LPCAT2: variants seen among roughly 807,000 people sequenced by gnomAD.
The protein encoded by LPCAT2 is 1-AGP acyltransferase 11.
Under a neutral mutation model 64.7 loss-of-function variants are expected in LPCAT2, and 58 were observed. The ratio of observed to expected loss-of-function variants is 0.90; its 90% CI spans 0.73 to 1.12. The LOEUF is 1.12. LPCAT2 is among the 50% of genes most tolerant of loss of function. The pLI is 0.00. For missense variants in LPCAT2, 579 were observed against 669.8 expected (o/e 0.86, Z 1.50); for synonymous variants, 252 against 245.3 (o/e 1.03, Z -0.26).
chr16:55,548,911 T>C (rs1963483248), intron 9 of LPCAT2, among the ~76,000 whole-genome samples: 1 of 152,180 alleles, frequency 6.6e-6, no homozygotes, highest in Admixed American at 6.5e-5. Flanking sequence ...TATGTACAGA[T>C]GAGAAAAGTG....
intron 8 of LPCAT2, among the ~76,000 whole-genome samples, chr16:55,544,507 A>G (rs1443109395): frequency 6.6e-6 from 1 of 152,210 alleles, no homozygotes; most frequent in Non-Finnish European, 1.5e-5. Context: ...GTGCCTGAGC[A>G]CCTACTATGG....
chr16:55,519,548 A>T (rs35882847), intron 1 of LPCAT2, among the ~76,000 whole-genome samples: 8 of 149,966 alleles, frequency 5.3e-5, no homozygotes, highest in African/African-American at 1.5e-4. Flanking sequence ...GGTAAAGAAC[A>T]TTTTTTGGGT....
At chr16:55,523,134 CA>C (rs1388288091) in intron 1 of LPCAT2, among the ~76,000 whole-genome samples, 2 of 151,278 alleles carry the variant, frequency 1.3e-5, no homozygotes, top group African/African-American at 4.8e-5. Context: ...AAAAATGGGC[CA>C]AAAAGACTTG....
At chr16:55,515,254 A>C (rs2142388396) in intron 1 of LPCAT2, among the ~76,000 whole-genome samples, 1 of 152,356 alleles carries the variant, frequency 6.6e-6, no homozygotes, top group South Asian at 2.1e-4. Flanking sequence ...ATATAGTTAC[A>C]TTATGTACAA....
At position 55,585,550 on chromosome 16, in the gene LPCAT2, A is replaced by G. The variant is rs1184341954; in HGVS notation, c.*2452A>G. 1.3e-5 allele frequency: 2 copies of G among 152,246 alleles called. No homozygotes were observed. Among genetic ancestry groups the G allele is most frequent in the African/African-American group, 4.8e-5 (2 of 41,468 alleles). The allele number at this position is 152,246 out of a possible 1,614,324, so 9.4% of individuals were successfully genotyped here. ...AGTTAAATGCACCATGGCTTCATAT[A>G]GTAATATAAAAAAACTCTTTGAAGT... On this transcript the variant is annotated 3_prime_UTR_variant, in exon 14 of 14. Coordinates refer to ENST00000262134, the MANE Select transcript of LPCAT2 (RefSeq NM_017839.5).
At chr16:55,576,020 T>C (rs1476128407) in intron 12 of LPCAT2, among the ~76,000 whole-genome samples, 2 of 152,218 alleles carry the variant, frequency 1.3e-5, no homozygotes, top group Non-Finnish European at 2.9e-5. Context: ...ATCAGTTTAG[T>C]TGAGCAAATG....
intron 13 of LPCAT2, among the ~76,000 whole-genome samples, chr16:55,579,976 T>C (rs2142426199): frequency 6.6e-6 from 1 of 152,276 alleles, no homozygotes; most frequent in South Asian, 2.1e-4. Context: ...CACAGTGCAG[T>C]TGTTGAGAAA....
At chr16:55,529,806 T>A (rs1305436609) in intron 3 of LPCAT2, 29 bp from the exon 4 acceptor site, 1 of 1,470,050 alleles carries the variant, frequency 6.8e-7, no homozygotes. Flanking sequence ...AAAAAATGGC[T>A]TGCCTGTAAC....
chr16:55,514,709 A>G (rs11076102), intron 1 of LPCAT2, among the ~76,000 whole-genome samples: 1 of 152,220 alleles, frequency 6.6e-6, no homozygotes, highest in Non-Finnish European at 1.5e-5. Flanking sequence ...TAAATAGTTT[A>G]AAAAGCAGTC....
At chr16:55,564,599 A>G (rs1382420973) in intron 11 of LPCAT2, among the ~76,000 whole-genome samples, 1 of 152,054 alleles carries the variant, frequency 6.6e-6, no homozygotes, top group African/African-American at 2.4e-5. Context: ...TGGGGAAAGG[A>G]CGGTCTTTTC....
chr16:55,561,906 TGTGGCAGAAGACA>T (rs1266301470), intron 11 of LPCAT2, among the ~76,000 whole-genome samples: 1 of 152,000 alleles, frequency 6.6e-6, no homozygotes, highest in African/African-American at 2.4e-5. Context: ...AACCACTCAG[TGTGGCAGAAGACA>T]GGACATTGCT....
At chr16:55,559,626 T>C (rs1963613973) in intron 11 of LPCAT2, among the ~76,000 whole-genome samples, 1 of 152,152 alleles carries the variant, frequency 6.6e-6, no homozygotes, top group Non-Finnish European at 1.5e-5. Context: ...AGTAAAGTCT[T>C]CTATATTTTA....
intron 2 of LPCAT2, among the ~76,000 whole-genome samples, chr16:55,527,479 CAAA>C (rs202093136): frequency 6.9e-5 from 4 of 58,366 alleles, no homozygotes; most frequent in Non-Finnish European, 3.7e-5. Flanking sequence ...AACTCCATCT[CAAA>C]AAAAAAAAAA....
Position 55,564,664 on chromosome 16 carries a change from C to T in LPCAT2, c.1216-9967C>T, listed in dbSNP as rs148749273. ...CACATGCAAAAGAATGAAGTTGGAC[C>T]CTTAACTTACACATATACAAAAGTT... On this transcript the variant is annotated intron_variant, in intron 11 of 13. Coordinates refer to ENST00000262134, the MANE Select transcript of LPCAT2 (RefSeq NM_017839.5). Among the ~76,000 whole-genome samples, 37 of 151,912 alleles carry T rather than the reference C, an allele frequency of 2.4e-4. No homozygotes were observed. In the East Asian group the frequency reaches 5.4e-3, roughly 22 times the overall value.
intron 1 of LPCAT2, among the ~76,000 whole-genome samples, chr16:55,520,656 G>C (rs1963082524): frequency 6.6e-6 from 1 of 151,802 alleles, no homozygotes; most frequent in South Asian, 2.1e-4. Context: ...ATATTACAGA[G>C]AATATTCTCT....
chr16:55,511,578 A>C (rs528261058), intron 1 of LPCAT2, among the ~76,000 whole-genome samples: 22 of 152,370 alleles, frequency 1.4e-4, no homozygotes, highest in Non-Finnish European at 2.6e-4. Context: ...AGTGTAATGA[A>C]GGAAAACCAG....
At chr16:55,549,063 C>T (rs1963484741) in intron 9 of LPCAT2, among the ~76,000 whole-genome samples, 1 of 152,014 alleles carries the variant, frequency 6.6e-6, no homozygotes, top group South Asian at 2.1e-4. Flanking sequence ...CATACAGAAG[C>T]ATGTAGATAT....
chr16:55,578,930 C>T (rs1276630057), intron 12 of LPCAT2, 179 bp from the exon 13 acceptor site: 8 of 616,728 alleles, frequency 1.3e-5, no homozygotes, highest in Non-Finnish European at 2.3e-5. Flanking sequence ...TTAATCCTGT[C>T]TCTCTCAAAC....
chr16:55,552,829 G>A (rs997037299), intron 11 of LPCAT2, among the ~76,000 whole-genome samples: 8 of 152,190 alleles, frequency 5.3e-5, no homozygotes, highest in Non-Finnish European at 1.2e-4. Context: ...CAGTGTTGAT[G>A]TGTGCTGACT....
Sources: gnomAD v4.1 joint callset for allele counts (sites outside exome capture counted in the v4.1 genomes callset) on GRCh38, gnomAD v4.1.1 for gene constraint, MANE v1.5 for transcripts, NCBI Gene and HGNC (gene_info 2026-07-23, HGNC 2026-07-21) for gene names.